KCNB2: variants seen among roughly 807,000 people sequenced by gnomAD.
KCNB2 encodes potassium voltage-gated channel subfamily B member 2.
A neutral mutation model predicts 61.5 loss-of-function variants in KCNB2; 15 were observed. The ratio of observed to expected loss-of-function variants is 0.24; its 90% CI spans 0.16 to 0.38. KCNB2 has a LOEUF of 0.38. Ranked by LOEUF, KCNB2 falls within the 10% of genes least tolerant of loss-of-function variation. KCNB2 has a pLI of 1.00. For missense variants in KCNB2, 828 were observed against 1,125.2 expected (o/e 0.74, Z 3.78); for synonymous variants, 457 against 446.0 (o/e 1.02, Z -0.31).
intron 2 of KCNB2, among the ~76,000 whole-genome samples, chr8:72,718,071 C>T (rs1807477047): frequency 6.6e-6 from 1 of 152,062 alleles, no homozygotes; most frequent in South Asian, 2.1e-4. Flanking sequence ...AAATGCTCAT[C>T]ATCACTGGCC....
intron 2 of KCNB2, among the ~76,000 whole-genome samples, chr8:72,780,706 A>G (rs1027287060): frequency 6.6e-6 from 1 of 152,222 alleles, no homozygotes; most frequent in South Asian, 2.1e-4. Context: ...TCTTTATAAC[A>G]GAATGATTTA....
At chr8:72,817,166 C>G (rs1809414187) in intron 2 of KCNB2, among the ~76,000 whole-genome samples, 1 of 152,134 alleles carries the variant, frequency 6.6e-6, no homozygotes, top group Non-Finnish European at 1.5e-5. Context: ...TTGAATGAAT[C>G]AAAGAGTGTC....
intron 2 of KCNB2, among the ~76,000 whole-genome samples, chr8:72,712,674 T>A (rs1807344625): frequency 6.6e-6 from 1 of 152,222 alleles, no homozygotes; most frequent in Non-Finnish European, 1.5e-5. Context: ...GTGAGTATTG[T>A]TGGCTCTTGA....
At chr8:72,658,591 G>C (rs1167426750) in intron 2 of KCNB2, among the ~76,000 whole-genome samples, 1 of 152,174 alleles carries the variant, frequency 6.6e-6, no homozygotes, top group East Asian at 1.9e-4. Context: ...AGATGAAATG[G>C]CCTTCTGTTG....
intron 2 of KCNB2, among the ~76,000 whole-genome samples, chr8:72,724,453 G>T (rs889992586): frequency 7.2e-5 from 11 of 152,148 alleles, no homozygotes; most frequent in African/African-American, 2.7e-4. Flanking sequence ...TGTTGGAGGA[G>T]AGCTAGTGCC....
At chr8:72,820,492 G>C (rs897384208) in intron 2 of KCNB2, among the ~76,000 whole-genome samples, 3 of 152,074 alleles carry the variant, frequency 2.0e-5, no homozygotes, top group African/African-American at 7.2e-5. Flanking sequence ...CTGCAAAACA[G>C]ATAGATAATT....
intron 2 of KCNB2, among the ~76,000 whole-genome samples, chr8:72,849,721 G>A (rs1199215938): frequency 6.6e-6 from 1 of 152,150 alleles, no homozygotes; most frequent in African/African-American, 2.4e-5. Flanking sequence ...TGCTTTAAAA[G>A]CAGGAGCTCT....
At chr8:72,709,298 G>A (rs768621776) in intron 2 of KCNB2, among the ~76,000 whole-genome samples, 3 of 152,096 alleles carry the variant, frequency 2.0e-5, no homozygotes, top group Non-Finnish European at 4.4e-5. Flanking sequence ...ATGTGGTAAG[G>A]ACAAGAGAAG....
chr8:72,812,571 T>C (rs1231745475), intron 2 of KCNB2, among the ~76,000 whole-genome samples: 2 of 152,128 alleles, frequency 1.3e-5, no homozygotes, highest in African/African-American at 4.8e-5. Context: ...TATCAATTCT[T>C]ACTTTAAATC....
intron 2 of KCNB2, among the ~76,000 whole-genome samples, chr8:72,891,304 A>T (rs1805892498): frequency 6.6e-6 from 1 of 152,232 alleles, no homozygotes; most frequent in Admixed American, 6.5e-5. Flanking sequence ...AGAGCTGGAG[A>T]TGGTAACATT....
chr8:72,561,092 A>G (rs559141797), intron 1 of KCNB2, among the ~76,000 whole-genome samples: 1 of 152,184 alleles, frequency 6.6e-6, no homozygotes, highest in African/African-American at 2.4e-5. Flanking sequence ...CACTGAAAGG[A>G]AAGCTTTTAG....
intron 2 of KCNB2, among the ~76,000 whole-genome samples, chr8:72,864,648 A>G (rs756562851): frequency 6.6e-6 from 1 of 152,226 alleles, no homozygotes; most frequent in Non-Finnish European, 1.5e-5. Flanking sequence ...GTGTGCTGAC[A>G]TGTAATTTGC....
chr8:72,557,888 C>T (rs923775530), intron 1 of KCNB2, among the ~76,000 whole-genome samples: 3 of 152,180 alleles, frequency 2.0e-5, no homozygotes, highest in African/African-American at 4.8e-5. Context: ...CCAGCTCTTA[C>T]TTTTAACACA....
At chr8:72,649,021 A>C (rs1468443009) in intron 2 of KCNB2, among the ~76,000 whole-genome samples, 1 of 152,126 alleles carries the variant, frequency 6.6e-6, no homozygotes, top group Non-Finnish European at 1.5e-5. Context: ...AGATATGTGC[A>C]TAATACAAAA....
intron 2 of KCNB2, among the ~76,000 whole-genome samples, chr8:72,733,337 T>C (rs934763378): frequency 4.6e-5 from 7 of 152,100 alleles, no homozygotes; most frequent in Admixed American, 2.0e-4. Context: ...AGACAAAGTG[T>C]AGATAATTGA....
chr8:72,782,650 C>T (rs780417785), intron 2 of KCNB2, among the ~76,000 whole-genome samples: 6 of 152,152 alleles, frequency 3.9e-5, no homozygotes, highest in Non-Finnish European at 7.3e-5. Context: ...GCTATCCATT[C>T]TAAGTGGCTC....
chr8:72,675,498 A>G (rs1806638547), intron 2 of KCNB2, among the ~76,000 whole-genome samples: 1 of 150,684 alleles, frequency 6.6e-6, no homozygotes, highest in Admixed American at 6.6e-5. Flanking sequence ...TTGTTGCAGA[A>G]ATAAGGCAAT....
chr8:72,918,738 T>C (rs1032280256), intron 2 of KCNB2, among the ~76,000 whole-genome samples: 9 of 152,194 alleles, frequency 5.9e-5, no homozygotes. Context: ...GCACAAAGCT[T>C]TCAGCCTCCT....
At chr8:72,540,890 C>A (rs2128976382) in intron 1 of KCNB2, among the ~76,000 whole-genome samples, 1 of 151,984 alleles carries the variant, frequency 6.6e-6, no homozygotes, top group East Asian at 1.9e-4. Flanking sequence ...TTCATTAATT[C>A]ATTTATTACT....
Sources: gnomAD v4.1 joint callset for allele counts (sites outside exome capture counted in the v4.1 genomes callset) on GRCh38, gnomAD v4.1.1 for gene constraint, MANE v1.5 for transcripts, NCBI Gene and HGNC (gene_info 2026-07-23, HGNC 2026-07-21) for gene names.